The following SPAG9 variants were observed in gnomAD, a reference collection of about 807,000 sequenced individuals.
SPAG9 encodes the protein C-Jun-amino-terminal kinase-interacting protein 4.
SPAG9 carries 35 observed loss-of-function variants against 166.5 expected under a neutral mutation model. The ratio of observed to expected loss-of-function variants is 0.21; its 90% CI spans 0.16 to 0.28. SPAG9 has a LOEUF of 0.28. SPAG9 is among the 10% of genes least tolerant of loss of function. The probability of loss-of-function intolerance (pLI) is 1.00; values close to 1 mark genes in which losing one functional copy is unlikely to be tolerated. For synonymous variants in SPAG9, 534 were observed against 565.5 expected, an observed-to-expected ratio of 0.94 and a Z score of 0.79; for missense variants, 1,235 against 1,603.3, an observed-to-expected ratio of 0.77 and a Z score of 3.92.
chr17:51,000,302 G>C (rs1030356929), intron 13 of SPAG9, among the ~76,000 whole-genome samples: 1 of 152,200 alleles, frequency 6.6e-6, no homozygotes, highest in African/African-American at 2.4e-5. Flanking sequence ...ATCATAATCA[G>C]AGCTCTCTTT....
At chr17:51,072,425 G>A (rs777345397) in intron 2 of SPAG9, among the ~76,000 whole-genome samples, 11 of 149,286 alleles carry the variant, frequency 7.4e-5, no homozygotes, top group Non-Finnish European at 1.3e-4. Context: ...GTTCATGCCT[G>A]TAATCCCAGC....
chr17:51,103,177 C>T (rs1477360283), intron 1 of SPAG9, among the ~76,000 whole-genome samples: 2 of 152,110 alleles, frequency 1.3e-5, no homozygotes, highest in African/African-American at 4.8e-5. Context: ...TTTGAATGCA[C>T]AAAGAGAACT....
At chr17:51,058,940 T>C (rs1316574489) in intron 2 of SPAG9, among the ~76,000 whole-genome samples, 8 of 152,206 alleles carry the variant, frequency 5.3e-5, no homozygotes, top group Non-Finnish European at 1.2e-4. Flanking sequence ...AGAAAGCCTA[T>C]ATATATGTCC....
intron 3 of SPAG9, among the ~76,000 whole-genome samples, chr17:51,053,869 A>AG (rs1475675039): frequency 0.028 from 2,501 of 88,288 alleles, 57 homozygotes; most frequent in Non-Finnish European, 0.038. Flanking sequence ...ATATATATAT[A>AG]TATATATATA....
chr17:50,996,933 A>G (rs1447645790), intron 15 of SPAG9, among the ~76,000 whole-genome samples: 1 of 152,252 alleles, frequency 6.6e-6, no homozygotes, highest in Admixed American at 6.5e-5. Context: ...TGAGGTCAGG[A>G]GTTCGAGAGC....
intron 13 of SPAG9, 62 bp downstream of exon 13, chr17:51,001,653 G>A (rs2044956209): frequency 1.3e-6 from 2 of 1,517,458 alleles, no homozygotes; most frequent in African/African-American, 2.8e-5. Flanking sequence ...AGTTCCACAT[G>A]AAGGAATATT....
intron 3 of SPAG9, among the ~76,000 whole-genome samples, chr17:51,048,446 C>T (rs1568039595): frequency 7.0e-6 from 1 of 143,408 alleles, no homozygotes; most frequent in Non-Finnish European, 1.5e-5. Flanking sequence ...TACTTGAATT[C>T]TTTTTTTTTT....
intron 1 of SPAG9, among the ~76,000 whole-genome samples, chr17:51,117,206 T>C (rs58827053): frequency 0.012 from 1,893 of 152,310 alleles, 41 homozygotes; most frequent in African/African-American, 0.043. Flanking sequence ...AAATTTTTGA[T>C]GCCTTGCTGA....
At chr17:50,974,692 G>A in intron 28 of SPAG9, 79 bp downstream of exon 28, 1 of 1,274,892 alleles carries the variant, frequency 7.8e-7, no homozygotes, top group Non-Finnish European at 1.1e-6. Flanking sequence ...CTTAGCCTTA[G>A]ACTATTAGGT....
At chr17:51,061,680 T>C (rs2047523625) in intron 2 of SPAG9, among the ~76,000 whole-genome samples, 1 of 150,820 alleles carries the variant, frequency 6.6e-6, no homozygotes, top group African/African-American at 2.4e-5. Context: ...ACCATTAATT[T>C]TGGGAGATTT....
At chr17:51,109,464 T>C (rs1361281354) in intron 1 of SPAG9, among the ~76,000 whole-genome samples, 4 of 152,130 alleles carry the variant, frequency 2.6e-5, no homozygotes, top group Non-Finnish European at 1.5e-5. Context: ...CTCGAACTCT[T>C]GACCTCGTGA....
chr17:51,044,845 A>G (rs1346698391), intron 4 of SPAG9, among the ~76,000 whole-genome samples: 2 of 152,166 alleles, frequency 1.3e-5, no homozygotes, highest in Non-Finnish European at 2.9e-5. Context: ...TTTAATCTTA[A>G]TATCAAAGAC....
rs1453916170 is a variant in SPAG9, at chr17:50,962,662, C to G, written c.*3610G>C. 1 of 152,138 alleles carries G rather than the reference C, an allele frequency of 6.6e-6. No homozygotes were observed. Among genetic ancestry groups the G allele is most frequent in the Non-Finnish European group, 1.5e-5 (1 of 68,020 alleles). 9.4% of individuals were successfully genotyped at this position (152,138 alleles called of 1,614,324 possible). A position where few individuals can be genotyped will look rare whatever the true frequency, so the allele number is the denominator to read the frequency against. ...TCTGGTTGAGTCCTTTGGTAACGGT[C>G]ATAATACTCACAAGGAAATAAATAT... On this transcript the variant is annotated 3_prime_UTR_variant, in exon 30 of 30. Coordinates refer to ENST00000262013, the MANE Select transcript of SPAG9 (RefSeq NM_001130528.3).
At chr17:51,012,436 G>A (rs2045524531) in intron 9 of SPAG9, among the ~76,000 whole-genome samples, 2 of 151,776 alleles carry the variant, frequency 1.3e-5, no homozygotes, top group African/African-American at 4.8e-5. Context: ...CAGGCATGGT[G>A]GTATGCGCCT....
chr17:51,044,362 C>T (rs2046947383), intron 4 of SPAG9, among the ~76,000 whole-genome samples: 1 of 152,220 alleles, frequency 6.6e-6, no homozygotes. Context: ...CAGACCAAAA[C>T]ATCTGCTATT....
At chr17:51,007,364 TG>T (rs2045271857) in intron 9 of SPAG9, 38 bp from the exon 10 acceptor site, 1 of 1,174,218 alleles carries the variant, frequency 8.5e-7, no homozygotes. Context: ...TGAAAATAAA[TG>T]CATCAATAAT....
chr17:51,062,922 T>C (rs987536888), intron 2 of SPAG9, among the ~76,000 whole-genome samples: 1 of 152,208 alleles, frequency 6.6e-6, no homozygotes, highest in Admixed American at 6.5e-5. Context: ...AAACAGTTTA[T>C]TTCTTTTTAG....
At chr17:51,105,797 G>A (rs2048931998) in intron 1 of SPAG9, among the ~76,000 whole-genome samples, 1 of 151,870 alleles carries the variant, frequency 6.6e-6, no homozygotes, top group Non-Finnish European at 1.5e-5. Flanking sequence ...GTGAACCCGG[G>A]AGATGGAGCT....
rs919789814 is a variant in SPAG9, at chr17:50,966,210, T to G, written c.*62A>C. ...CACAAAAGAGCATTAAATAAAAGGA[T>G]AGAGGGAAAATAAACCATGCAGAAG... On this transcript the variant is annotated 3_prime_UTR_variant, in exon 30 of 30. Transcript: ENST00000262013. 1 of 976,994 alleles carries G rather than the reference T, an allele frequency of 1.0e-6. No homozygotes were observed. The highest frequency in any genetic ancestry group is 1.6e-5 in the African/African-American group (1 of 62,318). The allele number at this position is 976,994 out of a possible 1,614,324, so 60.5% of individuals were successfully genotyped here. A position where few individuals can be genotyped will look rare whatever the true frequency, so the allele number is the denominator to read the frequency against.
Sources: allele counts gnomAD v4.1 joint callset (sites outside exome capture counted in the v4.1 genomes callset), GRCh38; gene constraint gnomAD v4.1.1; transcripts MANE v1.5; gene names NCBI Gene and HGNC (gene_info 2026-07-23, HGNC 2026-07-21).